COL11A1: variants seen among roughly 807,000 people sequenced by gnomAD.
COL11A1 encodes collagen alpha-1(XI) chain.
Under a neutral mutation model 265.2 loss-of-function variants are expected in COL11A1, and 74 were observed. The observed-to-expected ratio is 0.28, with a 90% CI of 0.23 to 0.34. The LOEUF is 0.34. COL11A1 is among the 10% of genes least tolerant of loss of function. The pLI, the probability that COL11A1 is intolerant of heterozygous loss-of-function variation, is 1.00. For missense variants in COL11A1, 2,165 were observed against 2,263.6 expected, an observed-to-expected ratio of 0.96 and a Z score of 0.88; for synonymous variants, 816 against 727.6, an observed-to-expected ratio of 1.12 and a Z score of -1.96.
At chr1:103,058,719 T>C (rs1670425148) in intron 4 of COL11A1, among the ~76,000 whole-genome samples, 1 of 152,180 alleles carries the variant, frequency 6.6e-6, no homozygotes, top group African/African-American at 2.4e-5. Flanking sequence ...AGCTGGTCAG[T>C]TGAGCCAGTT....
At position 103,008,337 on chromosome 1, in the gene COL11A1, C is replaced by A. The variant is rs868120452; in HGVS notation, c.1683+126G>T. 85 of 720,248 alleles carry A rather than the reference C, an allele frequency of 1.2e-4. No individual in the cohort carries two copies. The Middle Eastern group carries it at 0.011, about 92-fold the overall frequency. 44.6% of individuals were successfully genotyped at this position (720,248 alleles called of 1,614,324 possible). On this transcript the variant is annotated intron_variant, in intron 15 of 66. Transcript: ENST00000370096. ...CTGAATTTTTTAATTTCAAAATAAA[C>A]CCTCATACATCAATGGAATACTACT...
rs115732270 is a variant in COL11A1 at position 103,036,801 on chromosome 1, G to A, written c.652-5557C>T. On this transcript the variant is annotated intron_variant, in intron 4 of 66. Coordinates refer to ENST00000370096, the MANE Select transcript of COL11A1 (RefSeq NM_001854.4). ...AAAACTGGCATCTTTAGCATACAAGGCATCCTCCTCCTTTAATGGTCCACA... is the reference window on the plus strand; with the variant it reads ...AAAACTGGCATCTTTAGCATACAAGACATCCTCCTCCTTTAATGGTCCACA... Among the ~76,000 whole-genome samples, 523 of 152,078 alleles carry A rather than the reference G, an allele frequency of 3.4e-3. 3 individuals carry two copies. Among genetic ancestry groups the A allele is most frequent in the South Asian group, 0.016 (79 of 4,830 alleles).
intron 4 of COL11A1, among the ~76,000 whole-genome samples, chr1:103,045,286 G>A (rs950211737): frequency 8.5e-5 from 13 of 152,134 alleles, no homozygotes; most frequent in African/African-American, 2.7e-4. Context: ...CAAAGAGGTG[G>A]CACACTTCAT....
intron 29 of COL11A1, 64 bp downstream of exon 29, chr1:102,989,454 C>G (rs1339970466): frequency 1.0e-6 from 1 of 989,322 alleles, no homozygotes; most frequent in Non-Finnish European, 1.4e-6. Context: ...TAAAGATAAG[C>G]AAAGGAAAAA....
chr1:103,038,950 A>G (rs1355528143), intron 4 of COL11A1, among the ~76,000 whole-genome samples: 1 of 152,188 alleles, frequency 6.6e-6, no homozygotes, highest in East Asian at 1.9e-4. Flanking sequence ...GCAAAGTGTT[A>G]ACAGAGGAAC....
chr1:103,026,105 G>T, intron 6 of COL11A1, 111 bp downstream of exon 6: 7 of 1,182,528 alleles, frequency 5.9e-6, no homozygotes, highest in Non-Finnish European at 8.9e-6. Flanking sequence ...TTGGTTCAGA[G>T]AAATAAGATG....
intron 4 of COL11A1, among the ~76,000 whole-genome samples, chr1:103,042,594 G>T (rs1357729048): frequency 6.6e-6 from 1 of 152,128 alleles, no homozygotes; most frequent in East Asian, 1.9e-4. Context: ...GTTGGGAAGG[G>T]AAAAAGGTTG....
chr1:103,107,510 A>G, intron 1 of COL11A1, among the ~76,000 whole-genome samples: 1 of 117,470 alleles, frequency 8.5e-6, no homozygotes, highest in South Asian at 3.2e-4. Flanking sequence ...CCCCAAACAC[A>G]CAGAGTGTTC....
intron 58 of COL11A1, 56 bp downstream of exon 58, chr1:102,890,395 G>T: frequency 7.1e-7 from 1 of 1,410,490 alleles, no homozygotes; most frequent in Non-Finnish European, 9.7e-7. Flanking sequence ...CAAAAGCAGG[G>T]CTATTAGTAT....
chr1:103,018,943 C>T (rs1343977801), intron 9 of COL11A1, 84 bp from the exon 10 acceptor site: 1 of 1,022,944 alleles, frequency 9.8e-7, no homozygotes, highest in Non-Finnish European at 1.5e-6. Flanking sequence ...AACACTATAT[C>T]ATTGCATATT....
rs74108055 is a variant in COL11A1 at position 102,915,164 on chromosome 1, A to G, written c.3817-353T>C. Among the ~76,000 whole-genome samples, 1,019 of 152,220 alleles carry G rather than the reference A, an allele frequency of 6.7e-3. 11 individuals carry two copies. The highest frequency in any genetic ancestry group is 0.023 in the African/African-American group (955 of 41,524). ...TGTTCTCTGCCCTTTAAGAAGTCCA[A>G]TGGTATCCCTGGCCTTTACTAACTG... On this transcript the variant is annotated intron_variant, in intron 50 of 66. Coordinates refer to ENST00000370096, the MANE Select transcript of COL11A1 (RefSeq NM_001854.4).
chr1:102,890,516 C>CAAA lies in COL11A1; in HGVS notation c.4303-15_4303-13dup. The CAAA allele has an allele frequency of 7.1e-7, 1 of 1,417,064 alleles. No homozygotes were observed. The highest frequency in any genetic ancestry group is 9.5e-7 in the Non-Finnish European group (1 of 1,047,798). The allele number at this position is 1,417,064 out of a possible 1,614,324, so 87.8% of individuals were successfully genotyped here. On this transcript the variant is annotated splice_polypyrimidine_tract_variant and intron_variant, in intron 57 of 66. Coordinates refer to ENST00000370096, the MANE Select transcript of COL11A1 (RefSeq NM_001854.4). ...AAGCCAGGAGGTCCCTAAATAATAA[C>CAAA]AAAAAAAAAACCCCAAAACAAAAAC...
At chr1:103,064,314 G>T (rs1670904903) in intron 4 of COL11A1, among the ~76,000 whole-genome samples, 1 of 151,966 alleles carries the variant, frequency 6.6e-6, no homozygotes, top group Non-Finnish European at 1.5e-5. Flanking sequence ...TCTTTTAGTA[G>T]GTAAACTGAT....
intron 31 of COL11A1, among the ~76,000 whole-genome samples, chr1:102,982,838 C>T (rs1201676843): frequency 1.3e-5 from 2 of 152,014 alleles, no homozygotes; most frequent in Non-Finnish European, 2.9e-5. Context: ...ATATTTTTGT[C>T]TCCCATAATT....
chr1:102,911,270 T>A (rs1261523579), intron 54 of COL11A1, among the ~76,000 whole-genome samples: 1 of 152,124 alleles, frequency 6.6e-6, no homozygotes, highest in Non-Finnish European at 1.5e-5. Context: ...TTGTAAATAT[T>A]GATTCAAATT....
chr1:102,888,492 T>C, intron 62 of COL11A1, 85 bp downstream of exon 62: 2 of 1,316,770 alleles, frequency 1.5e-6, no homozygotes, highest in Non-Finnish European at 2.2e-6. Context: ...AATGTGCTTT[T>C]TGTCTATCTT....
intron 6 of COL11A1, chr1:103,025,954 T>C: frequency 6.2e-7 from 1 of 1,610,580 alleles, no homozygotes; most frequent in Non-Finnish European, 8.5e-7. Context: ...TTTCTTTTTC[T>C]GTAAAATGTG....
intron 6 of COL11A1, 127 bp downstream of exon 6, chr1:103,026,089 C>T (rs776678816): frequency 1.1e-5 from 13 of 1,205,378 alleles, no homozygotes; most frequent in Non-Finnish European, 1.5e-5. Flanking sequence ...ATAAAAATCA[C>T]AGTTATTGGT....
In COL11A1 at chr1:103,004,639, G is replaced by T. The variant is rs758303420; in HGVS notation, c.1868C>A (p.Pro623His). The stretch of plus-strand genomic sequence containing the variant: ...TCCATCATCACCAGGAGGACCTGGA[G>T]GACCTTGAGGACCTCGTTCACCCTG... ...GHRGERGPQGPPGPPGDDGMR... is the reference protein window; with the variant it reads ...GHRGERGPQGHPGPPGDDGMR... Residue 623 changes from proline to histidine, a missense_variant, in exon 19 of 67, where the codon CCT (proline) becomes CAT (histidine). Coordinates refer to ENST00000370096, the MANE Select transcript of COL11A1 (RefSeq NM_001854.4). The T allele has an allele frequency of 1.2e-6, 2 of 1,610,812 alleles. No homozygotes were observed. The highest frequency in any genetic ancestry group is 1.7e-6 in the Non-Finnish European group (2 of 1,178,626).
Sources: allele counts gnomAD v4.1 joint callset (sites outside exome capture counted in the v4.1 genomes callset), GRCh38; gene constraint gnomAD v4.1.1; transcripts MANE v1.5; gene names NCBI Gene and HGNC (gene_info 2026-07-23, HGNC 2026-07-21).